SPAG16: variants seen among roughly 807,000 people sequenced by gnomAD.
SPAG16 encodes sperm associated antigen 16, also known as sperm-associated antigen 16 protein.
In SPAG16, 86 loss-of-function variants were observed where a neutral mutation model predicts 80.4. The ratio of observed to expected loss-of-function variants is 1.07; its 90% CI spans 0.90 to 1.28. The LOEUF (loss-of-function observed/expected upper bound fraction) is 1.28, where lower values mean the gene tolerates loss of function less well. Ranked by LOEUF, SPAG16 falls within the 50% of genes most tolerant of loss-of-function variation. The pLI, the probability that SPAG16 is intolerant of heterozygous loss-of-function variation, is 0.00. For synonymous variants in SPAG16, 294 were observed against 265.9 expected (o/e 1.11, Z -1.03); for missense variants, 870 against 765.3 (o/e 1.14, Z -1.61).
intron 13 of SPAG16, among the ~76,000 whole-genome samples, chr2:214,018,395 C>T (rs1486897645): frequency 1.3e-5 from 2 of 151,916 alleles, no homozygotes; most frequent in Non-Finnish European, 2.9e-5. Flanking sequence ...TTTTTTATCC[C>T]AGTGGTTCAT....
intron 10 of SPAG16, among the ~76,000 whole-genome samples, chr2:213,838,733 C>T (rs923110981): frequency 1.3e-5 from 2 of 152,156 alleles, no homozygotes; most frequent in Non-Finnish European, 2.9e-5. Flanking sequence ...TTGGCTGTTT[C>T]AAAATTACTT....
At chr2:213,856,712 G>A (rs2075185727) in intron 10 of SPAG16, among the ~76,000 whole-genome samples, 1 of 152,200 alleles carries the variant, frequency 6.6e-6, no homozygotes, top group East Asian at 1.9e-4. Context: ...CTGTATGTTT[G>A]CCCCTGTTAG....
chr2:213,826,859 T>C (rs1302151280), intron 10 of SPAG16, among the ~76,000 whole-genome samples: 1 of 152,042 alleles, frequency 6.6e-6, no homozygotes, highest in Non-Finnish European at 1.5e-5. Context: ...GCTATTTTTA[T>C]ATTGGAGTCT....
chr2:213,518,793 T>A (rs2075546156), intron 10 of SPAG16, among the ~76,000 whole-genome samples: 1 of 152,172 alleles, frequency 6.6e-6, no homozygotes, highest in Admixed American at 6.5e-5. Context: ...GCTGCACTAT[T>A]CACAATAGCA....
intron 10 of SPAG16, among the ~76,000 whole-genome samples, chr2:213,643,360 A>G: frequency 1.2e-4 from 1 of 8,050 alleles, no homozygotes; most frequent in Non-Finnish European, 2.1e-4. Context: ...ATATATATAT[A>G]TATATATATA....
intron 13 of SPAG16, among the ~76,000 whole-genome samples, chr2:214,020,583 T>G (rs1164001215): frequency 2.0e-5 from 3 of 152,136 alleles, no homozygotes; most frequent in African/African-American, 7.2e-5. Context: ...ACAAGTATGA[T>G]CTATGATTGG....
intron 15 of SPAG16, among the ~76,000 whole-genome samples, chr2:214,215,143 A>G (rs2058395365): frequency 6.6e-6 from 1 of 152,084 alleles, no homozygotes; most frequent in African/African-American, 2.4e-5. Context: ...GACTTAGACA[A>G]GACTCATAGA....
At chr2:214,384,683 G>A (rs1044030653) in intron 15 of SPAG16, among the ~76,000 whole-genome samples, 1 of 140,674 alleles carries the variant, frequency 7.1e-6, no homozygotes, top group East Asian at 2.0e-4. Context: ...ATGTTTTCCA[G>A]GCAGCAAAAC....
At position 213,880,388 on chromosome 2, in the gene SPAG16, A is replaced by G. The variant is rs1220292937; in HGVS notation, c.1214+17760A>G. The stretch of plus-strand genomic sequence containing the variant: ...ATTCTGTATATTAAACTTTTGCCAG[A>G]TGCATTGTTTGAGAATATTTTCTCC... On this transcript the variant is annotated intron_variant, in intron 11 of 15. Coordinates refer to ENST00000331683, the MANE Select transcript of SPAG16 (RefSeq NM_024532.5). Among the ~76,000 whole-genome samples, 13 of 152,104 alleles carry G rather than the reference A, an allele frequency of 8.5e-5. No individual in the cohort carries two copies. The East Asian group carries it at 2.1e-3, about 25-fold the overall frequency.
At chr2:213,504,372 G>T (rs578097123) in intron 10 of SPAG16, among the ~76,000 whole-genome samples, 1 of 151,968 alleles carries the variant, frequency 6.6e-6, no homozygotes, top group Non-Finnish European at 1.5e-5. Context: ...TTTAATCAGG[G>T]ACACACTTTA....
At chr2:213,350,020 T>C (rs1307343271) in intron 6 of SPAG16, among the ~76,000 whole-genome samples, 1 of 152,124 alleles carries the variant, frequency 6.6e-6, no homozygotes, top group Non-Finnish European at 1.5e-5. Context: ...AAAGGTATAT[T>C]ATATACTAGG....
intron 15 of SPAG16, among the ~76,000 whole-genome samples, chr2:214,246,853 A>T (rs371056662): frequency 5.9e-5 from 9 of 152,130 alleles, no homozygotes; most frequent in African/African-American, 1.9e-4. Context: ...CCATGCCACA[A>T]ATTGCTTCTT....
At chr2:213,830,993 CTTTAT>C (rs1357483432) in intron 10 of SPAG16, among the ~76,000 whole-genome samples, 6 of 133,854 alleles carry the variant, frequency 4.5e-5, no homozygotes, top group Non-Finnish European at 8.1e-5. Context: ...TTAGTTGTTG[CTTTAT>C]TTTATTTTAA....
chr2:213,720,732 G>A (rs970128575), intron 10 of SPAG16, among the ~76,000 whole-genome samples: 3 of 145,372 alleles, frequency 2.1e-5, no homozygotes, highest in Admixed American at 7.3e-5. Context: ...GTGCCTGGCC[G>A]AAGTAAGTCC....
intron 10 of SPAG16, among the ~76,000 whole-genome samples, chr2:213,635,787 C>T (rs2062339714): frequency 1.3e-5 from 2 of 152,138 alleles, no homozygotes; most frequent in Non-Finnish European, 2.9e-5. Flanking sequence ...CCTTTCCCTA[C>T]TTTTTGATGG....
At chr2:213,730,886 G>C (rs930894771) in intron 10 of SPAG16, among the ~76,000 whole-genome samples, 2 of 152,054 alleles carry the variant, frequency 1.3e-5, no homozygotes, top group African/African-American at 4.8e-5. Context: ...TTTGCACTTC[G>C]GGTTGGGAAG....
chr2:214,289,542 A>C (rs1240487838), intron 15 of SPAG16, among the ~76,000 whole-genome samples: 3 of 152,186 alleles, frequency 2.0e-5, no homozygotes, highest in Non-Finnish European at 4.4e-5. Flanking sequence ...TTGGCAATAA[A>C]TATATGGATT....
intron 10 of SPAG16, among the ~76,000 whole-genome samples, chr2:213,764,490 G>A (rs1253438999): frequency 3.3e-5 from 5 of 152,188 alleles, no homozygotes; most frequent in Admixed American, 6.5e-5. Context: ...ATTTTGCAAC[G>A]TAGTAGATGA....
intron 15 of SPAG16, among the ~76,000 whole-genome samples, chr2:214,359,980 A>C (rs925215403): frequency 7.9e-5 from 12 of 151,820 alleles, no homozygotes; most frequent in African/African-American, 2.7e-4. Context: ...CAACATGTGG[A>C]TTGGTCTCAG....
Sources: gnomAD v4.1 joint callset for allele counts (sites outside exome capture counted in the v4.1 genomes callset) on GRCh38, gnomAD v4.1.1 for gene constraint, MANE v1.5 for transcripts, NCBI Gene and HGNC (gene_info 2026-07-23, HGNC 2026-07-21) for gene names.